Variants in MCPH1 observed in about 807,000 individuals in gnomAD.
The protein encoded by MCPH1 is microcephalin 1, also known as microcephalin.
MCPH1 carries 104 observed loss-of-function variants against 84.5 expected under a neutral mutation model. The observed-to-expected ratio is 1.23, with a 90% CI of 1.05 to 1.45. The LOEUF (loss-of-function observed/expected upper bound fraction) is 1.45. MCPH1 is among the 40% of genes most tolerant of loss of function. MCPH1 has a pLI of 0.00. For missense variants in MCPH1, 1,498 were observed against 1,005.7 expected, an observed-to-expected ratio of 1.49 and a Z score of -6.62; for synonymous variants, 514 against 366.8, an observed-to-expected ratio of 1.40 and a Z score of -4.58.
chr8:6,475,497 G>C (rs960108013), intron 9 of MCPH1, among the ~76,000 whole-genome samples: 22 of 152,210 alleles, frequency 1.4e-4, no homozygotes, highest in African/African-American at 4.8e-4. Context: ...GGAAAACCCA[G>C]GTAGCCTGGG....
intron 12 of MCPH1, chr8:6,527,750 A>T (rs1818613862): frequency 7.5e-6 from 10 of 1,340,424 alleles, no homozygotes; most frequent in Non-Finnish European, 1.0e-5. Context: ...TTTTCATTAA[A>T]GTACCCAAGC....
intron 10 of MCPH1, among the ~76,000 whole-genome samples, chr8:6,478,536 C>T (rs1808771423): frequency 1.3e-5 from 2 of 151,854 alleles, no homozygotes; most frequent in African/African-American, 4.8e-5. Context: ...TCATTTAGGC[C>T]GTCTTCTTGT....
chr8:6,531,066 C>G (rs1030018759), intron 12 of MCPH1, among the ~76,000 whole-genome samples: 5 of 152,168 alleles, frequency 3.3e-5, no homozygotes, highest in African/African-American at 9.7e-5. Context: ...TGTAAAGAAG[C>G]CAGGATGAGG....
intron 12 of MCPH1, among the ~76,000 whole-genome samples, chr8:6,559,054 C>G (rs1360713466): frequency 6.6e-6 from 1 of 152,134 alleles, no homozygotes; most frequent in Non-Finnish European, 1.5e-5. Context: ...TATTTCACCA[C>G]TCAGGATGTA....
chr8:6,595,308 T>A (rs1828834768), intron 12 of MCPH1, among the ~76,000 whole-genome samples: 1 of 152,130 alleles, frequency 6.6e-6, no homozygotes, highest in South Asian at 2.1e-4. Flanking sequence ...ATAGGGTATG[T>A]ACTGTAGGAG....
At chr8:6,575,949 C>G (rs958504754) in intron 12 of MCPH1, among the ~76,000 whole-genome samples, 19 of 151,712 alleles carry the variant, frequency 1.3e-4, no homozygotes, top group Non-Finnish European at 2.9e-5. Context: ...CACACCTTCA[C>G]CTCAGATTTC....
intron 12 of MCPH1, among the ~76,000 whole-genome samples, chr8:6,510,436 A>T (rs543750412): frequency 2.0e-5 from 3 of 152,350 alleles, no homozygotes; most frequent in East Asian, 1.9e-4. Flanking sequence ...AAGCTGCCAC[A>T]TTGGAATAAT....
Position 6,406,676 on chromosome 8 carries a change from C to T in MCPH1, c.9C>T (p.Ala3=), listed in dbSNP as rs762789401. MA[A]PILKDVVAYV... The stretch of plus-strand genomic sequence containing the variant: ...GGATCCCGCCGTCTGTCATGGCGGC[C>T]CCCATCCTGAAAGGTGAGGTACTTC... The change falls in exon 1 of 14, where the codon GCC becomes GCT. Residue 3 remains alanine, a synonymous_variant. Coordinates refer to ENST00000344683, the MANE Select transcript of MCPH1 (RefSeq NM_024596.5). 9.7e-5 allele frequency: 156 copies of T among 1,612,038 alleles called. 1 individual carries two copies. In the South Asian group the frequency reaches 1.4e-3, roughly 15 times the overall value.
intron 13 of MCPH1, among the ~76,000 whole-genome samples, chr8:6,636,195 C>T (rs1013832816): frequency 6.6e-6 from 1 of 152,064 alleles, no homozygotes; most frequent in African/African-American, 2.4e-5. Flanking sequence ...CAAAAATTAG[C>T]CGGGCGTGAT....
intron 12 of MCPH1, among the ~76,000 whole-genome samples, chr8:6,561,655 C>T (rs1372116554): frequency 6.6e-6 from 1 of 152,202 alleles, no homozygotes; most frequent in Non-Finnish European, 1.5e-5. Context: ...GTAATGGCAT[C>T]ATCATGCTAC....
intron 4 of MCPH1, among the ~76,000 whole-genome samples, chr8:6,431,795 G>T (rs1432921735): frequency 6.6e-6 from 1 of 152,138 alleles, no homozygotes; most frequent in Non-Finnish European, 1.5e-5. Flanking sequence ...GTATGAAATG[G>T]AAAAGCCTGT....
intron 5 of MCPH1, among the ~76,000 whole-genome samples, chr8:6,436,787 T>G (rs1802706020): frequency 6.6e-6 from 1 of 151,766 alleles, no homozygotes; most frequent in Non-Finnish European, 1.5e-5. Flanking sequence ...GGCTAACATG[T>G]TGAAACCCTG....
At chr8:6,483,516 A>G (rs914894537) in intron 11 of MCPH1, among the ~76,000 whole-genome samples, 1 of 152,180 alleles carries the variant, frequency 6.6e-6, no homozygotes, top group African/African-American at 2.4e-5. Context: ...AATACATCCC[A>G]TGGGTTTTCA....
At chr8:6,498,379 A>G (rs1016519981) in intron 11 of MCPH1, among the ~76,000 whole-genome samples, 5 of 152,172 alleles carry the variant, frequency 3.3e-5, no homozygotes, top group African/African-American at 1.2e-4. Flanking sequence ...TTTACACTGT[A>G]TTTCTGATTT....
chr8:6,500,159 G>C (rs971663327), intron 12 of MCPH1: 3 of 531,350 alleles, frequency 5.6e-6, no homozygotes, highest in Non-Finnish European at 1.0e-5. Context: ...AAGAAAATTT[G>C]ACGATTAACA....
At chr8:6,608,171 G>A (rs545115959) in intron 12 of MCPH1, among the ~76,000 whole-genome samples, 1 of 152,244 alleles carries the variant, frequency 6.6e-6, no homozygotes, top group Admixed American at 6.5e-5. Context: ...GGTGGGAGAG[G>A]TCGCACGGCC....
chr8:6,544,200 A>T (rs1169952495), intron 12 of MCPH1, among the ~76,000 whole-genome samples: 2 of 152,234 alleles, frequency 1.3e-5, no homozygotes, highest in Non-Finnish European at 2.9e-5. Flanking sequence ...ACCATTTGCC[A>T]TTTCAAATGT....
chr8:6,455,213 A>T lies in MCPH1; in HGVS notation c.1896A>T (p.Lys632Asn), dbSNP rs2129556803. Residue 632 changes from lysine to asparagine, a missense_variant, in exon 9 of 14, where the codon AAA becomes AAT. By Grantham distance (94) the Lys-to-Asn change is moderately conservative. Transcript: ENST00000344683. ...GTGACGGCTTTAAGGACCTCATCAA[A>T]CCTCATGAGGAATTGAAGAAAAGTG... ...DSCDGFKDLI[K>N]PHEELKKSGR... is the part of the protein sequence containing the mutation. The T allele has an allele frequency of 6.2e-7, 1 of 1,613,954 alleles. No homozygotes were observed.
At chr8:6,455,006 G>T in intron 8 of MCPH1, 137 bp from the exon 9 acceptor site, 1 of 693,876 alleles carries the variant, frequency 1.4e-6, no homozygotes, top group South Asian at 1.7e-5. Context: ...AGATCTCAAA[G>T]AGCCAGATAT....
Sources: gnomAD v4.1 joint callset for allele counts (sites outside exome capture counted in the v4.1 genomes callset) on GRCh38, gnomAD v4.1.1 for gene constraint, MANE v1.5 for transcripts, NCBI Gene and HGNC (gene_info 2026-07-23, HGNC 2026-07-21) for gene names.